The following KCND2 variants were observed in gnomAD, a reference collection of about 807,000 sequenced individuals.
KCND2 encodes A-type voltage-gated potassium channel KCND2.
A neutral mutation model predicts 54.4 loss-of-function variants in KCND2; 16 were observed. That is an observed-to-expected ratio of 0.29 (90% CI 0.20 to 0.45). The LOEUF is 0.45. Among genes scored for constraint, KCND2 ranks in the 20% least tolerant of loss-of-function variants. The probability of loss-of-function intolerance (pLI) is 1.00; values close to 1 mark genes in which losing one functional copy is unlikely to be tolerated. For synonymous variants in KCND2, 317 were observed against 310.7 expected, an observed-to-expected ratio of 1.02 and a Z score of -0.21; for missense variants, 486 against 824.2, an observed-to-expected ratio of 0.59 and a Z score of 5.02.
rs987938291 is a variant in KCND2 at position 120,386,428 on chromosome 7, A to T, written c.1115+110681A>T. Among the ~76,000 whole-genome samples the T allele has an allele frequency of 4.6e-5, 7 of 151,736 alleles. No homozygotes were observed. In the South Asian group the frequency reaches 1.5e-3, roughly 32 times the overall value. ...CTTCGGAGCACAGGATTATCTTGGAACTCAACAGACATTTTTTTTGTCTGT... is the reference window on the plus strand; with the variant it reads ...CTTCGGAGCACAGGATTATCTTGGATCTCAACAGACATTTTTTTTGTCTGT... On this transcript the variant is annotated intron_variant, in intron 1 of 5. Transcript: ENST00000331113.
chr7:120,340,285 G>T (rs997860403), intron 1 of KCND2, among the ~76,000 whole-genome samples: 2 of 152,212 alleles, frequency 1.3e-5, no homozygotes, highest in African/African-American at 4.8e-5. Context: ...TGGGAATTCT[G>T]CATATATGTA....
intron 1 of KCND2, among the ~76,000 whole-genome samples, chr7:120,420,299 G>GA (rs1260744265): frequency 6.6e-6 from 1 of 152,072 alleles, no homozygotes; most frequent in Admixed American, 6.6e-5. Flanking sequence ...AAAAATTACA[G>GA]AAAACTGAGA....
intron 1 of KCND2, among the ~76,000 whole-genome samples, chr7:120,610,424 A>G (rs1266336082): frequency 2.0e-5 from 3 of 152,270 alleles, no homozygotes; most frequent in African/African-American, 7.2e-5. Context: ...GTTTACCCCC[A>G]TACCAAAATG....
chr7:120,672,541 G>T (rs1033403606), intron 1 of KCND2, among the ~76,000 whole-genome samples: 2 of 151,984 alleles, frequency 1.3e-5, no homozygotes, highest in African/African-American at 2.4e-5. Context: ...CTCTTTCTGC[G>T]TCCACAATAA....
intron 1 of KCND2, among the ~76,000 whole-genome samples, chr7:120,322,188 A>T (rs1407938578): frequency 6.6e-6 from 1 of 152,108 alleles, no homozygotes; most frequent in Non-Finnish European, 1.5e-5. Flanking sequence ...AAAAAAAAGC[A>T]TAATTAAAAT....
chr7:120,501,244 A>C (rs942001192), intron 1 of KCND2, among the ~76,000 whole-genome samples: 1 of 152,166 alleles, frequency 6.6e-6, no homozygotes, highest in Non-Finnish European at 1.5e-5. Flanking sequence ...AATTTCTTGT[A>C]ACTCAATTTA....
chr7:120,328,307 G>A (rs950029159), intron 1 of KCND2, among the ~76,000 whole-genome samples: 1 of 152,020 alleles, frequency 6.6e-6, no homozygotes, highest in Non-Finnish European at 1.5e-5. Context: ...TATTAACTTT[G>A]TGCTAGGCTC....
At chr7:120,367,093 A>ATT (rs1187338224) in intron 1 of KCND2, among the ~76,000 whole-genome samples, 5 of 152,110 alleles carry the variant, frequency 3.3e-5, no homozygotes, top group Non-Finnish European at 4.4e-5. Flanking sequence ...GCCCATTGCT[A>ATT]TGTCTTTATG....
At chr7:120,285,857 T>G (rs925633307) in intron 1 of KCND2, among the ~76,000 whole-genome samples, 12 of 151,936 alleles carry the variant, frequency 7.9e-5, no homozygotes, top group Admixed American at 5.9e-4. Flanking sequence ...GACTCTTCTT[T>G]GTGGAAATAG....
chr7:120,707,698 A>G (rs1037346834), intron 1 of KCND2, among the ~76,000 whole-genome samples: 2 of 152,074 alleles, frequency 1.3e-5, no homozygotes, highest in African/African-American at 2.4e-5. Context: ...AGATTATGAT[A>G]GGTCAATCAC....
intron 1 of KCND2, among the ~76,000 whole-genome samples, chr7:120,554,531 C>G (rs1792139171): frequency 6.6e-6 from 1 of 152,078 alleles, no homozygotes; most frequent in Middle Eastern, 3.2e-3. Flanking sequence ...GCCTCAGCCT[C>G]CCGAGTAGCT....
Position 120,745,940 on chromosome 7 carries a change from C to T in KCND2, c.1628C>T (p.Ala543Val), listed in dbSNP as rs1168875214. ...AAAAAAACTTTTCGCATCCCAAATG[C>T]CAATGTATCAGGAAGCCATCAAGGT... is the stretch of plus-strand genomic sequence containing the variant. ...RHKKTFRIPN[A>V]NVSGSHQGSI... The change falls in exon 5 of 6, where the codon GCC becomes GTC. Residue 543 changes from alanine to valine, a missense_variant. By Grantham distance (64) the Ala-to-Val change is moderately conservative (BLOSUM62 0). Transcript: ENST00000331113. The T allele has an allele frequency of 6.8e-6, 11 of 1,613,700 alleles. No homozygotes were observed. Among genetic ancestry groups the T allele is most frequent in the Non-Finnish European group, 9.3e-6 (11 of 1,179,812 alleles).
intron 1 of KCND2, among the ~76,000 whole-genome samples, chr7:120,396,695 A>C (rs924457030): frequency 2.6e-5 from 4 of 151,884 alleles, no homozygotes; most frequent in Admixed American, 2.0e-4. Context: ...GTGAGTCCTA[A>C]TGTTATAAAC....
chr7:120,674,118 G>A (rs574479598), intron 1 of KCND2, among the ~76,000 whole-genome samples: 9 of 152,078 alleles, frequency 5.9e-5, no homozygotes, highest in African/African-American at 1.9e-4. Context: ...TGTCCAGGCT[G>A]GTCTTGAACT....
intron 1 of KCND2, among the ~76,000 whole-genome samples, chr7:120,294,214 A>G (rs2116281683): frequency 6.6e-6 from 1 of 152,130 alleles, no homozygotes; most frequent in African/African-American, 2.4e-5. Flanking sequence ...TTGTCCAAGC[A>G]TCATTGAAAT....
At chr7:120,429,435 G>C (rs1016278265) in intron 1 of KCND2, among the ~76,000 whole-genome samples, 1 of 151,704 alleles carries the variant, frequency 6.6e-6, no homozygotes, top group African/African-American at 2.4e-5. Context: ...ATGACCAAAC[G>C]GAAGTTACAC....
Position 120,274,799 on chromosome 7 carries a change from A to AG in KCND2, c.169dup (p.Asp57GlyfsTer15). ...AGTGGCACCCGCTTCCAGACGTGGC[A>AG]GGACACCCTGGAACGTTACCCAGAC... On this transcript the variant is annotated frameshift_variant, in exon 1 of 6. Transcript: ENST00000331113. LOFTEE classifies it high-confidence loss of function. 6.2e-7 allele frequency: 1 copy of AG among 1,614,086 alleles called. No individual in the cohort carries two copies. Among genetic ancestry groups the AG allele is most frequent in the Non-Finnish European group, 8.5e-7 (1 of 1,180,016 alleles).
chr7:120,408,204 G>A (rs1018072503), intron 1 of KCND2, among the ~76,000 whole-genome samples: 1 of 151,898 alleles, frequency 6.6e-6, no homozygotes, highest in South Asian at 2.1e-4. Flanking sequence ...AATACTAAAT[G>A]AAAAATATCA....
chr7:120,529,455 G>T (rs2116361454), intron 1 of KCND2, among the ~76,000 whole-genome samples: 1 of 152,136 alleles, frequency 6.6e-6, no homozygotes, highest in African/African-American at 2.4e-5. Context: ...TCTTACCTTG[G>T]CTAAATTTCA....
Sources: gnomAD v4.1 joint callset for allele counts (sites outside exome capture counted in the v4.1 genomes callset) on GRCh38, gnomAD v4.1.1 for gene constraint, MANE v1.5 for transcripts, NCBI Gene and HGNC (gene_info 2026-07-23, HGNC 2026-07-21) for gene names.